Variants in CSMD2 observed in about 807,000 individuals in gnomAD.
CSMD2 encodes CUB and Sushi multiple domains 2.
In CSMD2, 130 loss-of-function variants were observed where a neutral mutation model predicts 398.5. That is an observed-to-expected ratio of 0.33 (90% confidence interval 0.28 to 0.38). The LOEUF is 0.38. Ranked by LOEUF, CSMD2 falls within the 10% of genes least tolerant of loss-of-function variation. The pLI, the probability that CSMD2 is intolerant of heterozygous loss-of-function variation, is 1.00. For synonymous variants in CSMD2, 1,828 were observed against 1,908.5 expected, an observed-to-expected ratio of 0.96 and a Z score of 1.10; for missense variants, 3,829 against 4,764.9, an observed-to-expected ratio of 0.80 and a Z score of 5.78.
intron 6 of CSMD2, among the ~76,000 whole-genome samples, chr1:33,846,190 A>C (rs1661337453): frequency 1.3e-5 from 2 of 151,922 alleles, no homozygotes; most frequent in African/African-American, 4.8e-5. Flanking sequence ...GGGTTAACCC[A>C]CTCCTTTTTA....
intron 3 of CSMD2, among the ~76,000 whole-genome samples, chr1:33,952,704 GCACA>G (rs1057476607): frequency 3.7e-5 from 5 of 134,338 alleles, no homozygotes; most frequent in South Asian, 2.1e-4. Flanking sequence ...ACACACACAT[GCACA>G]CACACAAACA....
At chr1:33,730,208 A>T (rs180898257) in intron 15 of CSMD2, among the ~76,000 whole-genome samples, 8 of 152,290 alleles carry the variant, frequency 5.3e-5, no homozygotes, top group African/African-American at 1.9e-4. Context: ...CATGGTAGAG[A>T]TTAGTAGGTA....
At chr1:33,892,980 G>A (rs986585972) in intron 5 of CSMD2, among the ~76,000 whole-genome samples, 2 of 152,226 alleles carry the variant, frequency 1.3e-5, no homozygotes, top group African/African-American at 4.8e-5. Context: ...CAGGTCTGGT[G>A]AAAGGGTTCA....
At chr1:34,032,001 TTAA>T (rs973169644) in intron 3 of CSMD2, among the ~76,000 whole-genome samples, 48 of 151,966 alleles carry the variant, frequency 3.2e-4, no homozygotes, top group African/African-American at 1.1e-3. Flanking sequence ...CATAATAAAG[TTAA>T]TAATAATAAT....
intron 26 of CSMD2, among the ~76,000 whole-genome samples, chr1:33,659,652 A>G (rs1280463477): frequency 6.6e-6 from 1 of 152,226 alleles, no homozygotes; most frequent in Non-Finnish European, 1.5e-5. Context: ...GAGGATGCAC[A>G]CCCATTCTCT....
At chr1:33,967,357 T>C (rs1185210234) in intron 3 of CSMD2, among the ~76,000 whole-genome samples, 2 of 151,966 alleles carry the variant, frequency 1.3e-5, no homozygotes, top group Non-Finnish European at 2.9e-5. Context: ...ATTTCAAGGC[T>C]CTACACACAC....
At chr1:33,771,413 C>T (rs1199332713) in intron 13 of CSMD2, among the ~76,000 whole-genome samples, 2 of 152,096 alleles carry the variant, frequency 1.3e-5, no homozygotes, top group Non-Finnish European at 2.9e-5. Flanking sequence ...GGGCAGATAT[C>T]ATGCAATTTA....
chr1:33,999,046 T>C (rs1245241240), intron 3 of CSMD2, among the ~76,000 whole-genome samples: 1 of 152,206 alleles, frequency 6.6e-6, no homozygotes, highest in South Asian at 2.1e-4. Context: ...GCCTCTCTGA[T>C]GCCTCCTTCT....
chr1:33,830,283 C>G (rs1200325649), intron 6 of CSMD2, among the ~76,000 whole-genome samples: 2 of 152,228 alleles, frequency 1.3e-5, no homozygotes, highest in Non-Finnish European at 2.9e-5. Context: ...ACTGACACCT[C>G]ACACGGCCGG....
chr1:33,716,075 A>C (rs907555819), intron 20 of CSMD2, among the ~76,000 whole-genome samples: 1 of 152,180 alleles, frequency 6.6e-6, no homozygotes, highest in African/African-American at 2.4e-5. Context: ...AAGAATCCTC[A>C]GTGATTATGC....
chr1:33,658,988 C>A lies in CSMD2; in HGVS notation c.4256-851G>T, dbSNP rs1458153713. On this transcript the variant is annotated intron_variant, in intron 26 of 70. Coordinates refer to ENST00000373381, the MANE Select transcript of CSMD2 (RefSeq NM_001281956.2). ...TTACCGGGAGTTACTGAAGTTAGGTCAAGATCATGCTCTCTCTTGCAATGG... is the reference window on the plus strand; with the variant it reads ...TTACCGGGAGTTACTGAAGTTAGGTAAAGATCATGCTCTCTCTTGCAATGG... Among the ~76,000 whole-genome samples the A allele has an allele frequency of 2.6e-5, 4 of 152,200 alleles. No individual in the cohort carries two copies. The East Asian group carries it at 7.7e-4, about 29-fold the overall frequency.
chr1:33,755,052 G>T (rs1452744853), intron 13 of CSMD2, among the ~76,000 whole-genome samples: 1 of 151,948 alleles, frequency 6.6e-6, no homozygotes, highest in Non-Finnish European at 1.5e-5. Flanking sequence ...GACTGAGATT[G>T]GTGTTCATGA....
At chr1:34,143,320 T>G (rs1020497511) in intron 1 of CSMD2, among the ~76,000 whole-genome samples, 1 of 152,112 alleles carries the variant, frequency 6.6e-6, no homozygotes, top group African/African-American at 2.4e-5. Flanking sequence ...AACTTGCGAT[T>G]GACTCTTCTC....
chr1:34,121,258 A>G (rs1385125751), intron 1 of CSMD2, among the ~76,000 whole-genome samples: 1 of 152,224 alleles, frequency 6.6e-6, no homozygotes, highest in East Asian at 1.9e-4. Flanking sequence ...CATGTAACAG[A>G]CTAGGAAGGA....
intron 9 of CSMD2, among the ~76,000 whole-genome samples, chr1:33,814,845 C>A (rs974229997): frequency 2.0e-5 from 3 of 152,116 alleles, no homozygotes; most frequent in Admixed American, 6.5e-5. Flanking sequence ...CACCATTGTC[C>A]TACATCATAG....
In CSMD2 at chr1:33,816,494, G is replaced by T. The variant is rs562531055; in HGVS notation, c.1324+3219C>A. On this transcript the variant is annotated intron_variant, in intron 9 of 70. Coordinates refer to ENST00000373381, the MANE Select transcript of CSMD2 (RefSeq NM_001281956.2). ...ATCCCCTGACCCAACTTTAATCAGA[G>T]ATGCTCCACTTGTATCTGTTTTATT... Among the ~76,000 whole-genome samples the T allele has an allele frequency of 5.9e-5, 9 of 152,260 alleles. No individual in the cohort carries two copies. In the South Asian group the frequency reaches 1.9e-3, roughly 32 times the overall value.
In CSMD2 at chr1:33,947,130, C is replaced by T. The variant is rs1338909730; in HGVS notation, c.518-11176G>A. On this transcript the variant is annotated intron_variant, in intron 3 of 70. Coordinates refer to ENST00000373381, the MANE Select transcript of CSMD2 (RefSeq NM_001281956.2). ...AGCTCAAAGAGGAGGAGGCTCTGAA[C>T]CTGGCTGGAGGGTCCTGCCTTGAGG... is the stretch of plus-strand genomic sequence containing the variant. Among the ~76,000 whole-genome samples, 4 of 152,200 alleles carry T rather than the reference C, an allele frequency of 2.6e-5. No homozygotes were observed. In the South Asian group the frequency reaches 8.3e-4, roughly 32 times the overall value.
chr1:33,588,422 A>G (rs556117196), intron 44 of CSMD2, among the ~76,000 whole-genome samples: 63 of 152,230 alleles, frequency 4.1e-4, no homozygotes, highest in South Asian at 2.1e-4. Context: ...AGATTCAAGT[A>G]CATGACCCTT....
intron 29 of CSMD2, among the ~76,000 whole-genome samples, chr1:33,640,677 G>A (rs906188762): frequency 6.6e-6 from 1 of 152,158 alleles, no homozygotes; most frequent in African/African-American, 2.4e-5. Flanking sequence ...ATACCAAGCT[G>A]TTAATAATGG....
Sources: allele counts gnomAD v4.1 joint callset (sites outside exome capture counted in the v4.1 genomes callset), GRCh38; gene constraint gnomAD v4.1.1; transcripts MANE v1.5; gene names NCBI Gene and HGNC (gene_info 2026-07-23, HGNC 2026-07-21).